KIZ: variants seen among roughly 807,000 people sequenced by gnomAD.
KIZ encodes centrosomal protein kizuna.
Under a neutral mutation model 79.6 loss-of-function variants are expected in KIZ, and 68 were observed. That is an observed-to-expected ratio of 0.85 (90% CI 0.70 to 1.05). The LOEUF is 1.05. Ranked by LOEUF, KIZ falls within the 50% of genes least tolerant of loss-of-function variation. The pLI is 0.00. For missense variants in KIZ, 797 were observed against 800.4 expected (o/e 1.00, Z 0.05); for synonymous variants, 280 against 281.8 (o/e 0.99, Z 0.06).
intron 6 of KIZ, among the ~76,000 whole-genome samples, chr20:21,204,073 T>A (rs1452644533): frequency 2.0e-5 from 3 of 151,242 alleles, no homozygotes; most frequent in Non-Finnish European, 4.4e-5. Context: ...CTTATTTCAC[T>A]TAGCAGCACA....
chr20:21,218,293 T>C (rs1275548171), intron 9 of KIZ: 1 of 152,182 alleles, frequency 6.6e-6, no homozygotes, highest in Non-Finnish European at 1.5e-5. Flanking sequence ...CATCTCTGTC[T>C]CGGGGTGCCT....
At chr20:21,166,164 T>G (rs2033925290) in intron 6 of KIZ, 16 of 926,792 alleles carry the variant, frequency 1.7e-5, no homozygotes, top group Non-Finnish European at 2.5e-5. Context: ...TTTTTTTTTT[T>G]GTCCATGAGG....
At chr20:21,210,614 A>G (rs554082081) in intron 7 of KIZ, among the ~76,000 whole-genome samples, 8 of 152,324 alleles carry the variant, frequency 5.3e-5, no homozygotes, top group African/African-American at 1.9e-4. Flanking sequence ...GAATTCCTAG[A>G]TATAGAATTA....
At chr20:21,162,555 G>C in intron 5 of KIZ, 48 bp downstream of exon 5, 3 of 1,448,864 alleles carry the variant, frequency 2.1e-6, no homozygotes, top group South Asian at 1.3e-5. Context: ...GGGTGGTAGT[G>C]ATCTTATGTA....
In KIZ at chr20:21,126,886, A is replaced by G. The variant is rs145670024; in HGVS notation, c.89+682A>G. Among the ~76,000 whole-genome samples the G allele has an allele frequency of 3.1e-3, 476 of 152,362 alleles. 4 individuals carry two copies. The highest frequency in any genetic ancestry group is 0.011 in the African/African-American group (456 of 41,596). ...CGCAATGTACTATGAATAACCACGT[A>G]AAAGATAAATTGCTGGACCTCTTAT... On this transcript the variant is annotated intron_variant, in intron 1 of 12. Transcript: ENST00000619189.
intron 3 of KIZ, among the ~76,000 whole-genome samples, chr20:21,144,792 G>C (rs2032759948): frequency 6.6e-6 from 1 of 152,094 alleles, no homozygotes; most frequent in South Asian, 2.1e-4. Flanking sequence ...TCTAATTACA[G>C]TGCATACCTG....
Position 21,223,435 on chromosome 20 carries a change from C to T in KIZ, c.1679-5576C>T, listed in dbSNP as rs143099238. 6.1e-3 allele frequency among the ~76,000 whole-genome samples: 932 copies of T among 152,234 alleles called. 14 individuals are homozygous for T. Among genetic ancestry groups the T allele is most frequent in the African/African-American group, 0.022 (911 of 41,540 alleles). ...GGCGGGTCTCTTCTCGTGCATCAGC[C>T]GTCTTCCTGAGAGTGCAGAGAGCAA... On this transcript the variant is annotated intron_variant, in intron 9 of 12. Transcript: ENST00000619189.
intron 4 of KIZ, among the ~76,000 whole-genome samples, chr20:21,159,370 G>GA (rs779353838): frequency 6.6e-6 from 1 of 151,726 alleles, no homozygotes. Context: ...CTTTTTTTGT[G>GA]ATAGCTTTAT....
chr20:21,130,911 C>A (rs1359984187), intron 1 of KIZ, among the ~76,000 whole-genome samples: 2 of 152,224 alleles, frequency 1.3e-5, no homozygotes, highest in Non-Finnish European at 2.9e-5. Context: ...ATGGGGCCAG[C>A]CCCTTTCCCT....
chr20:21,199,128 T>C (rs1386130694), intron 6 of KIZ, among the ~76,000 whole-genome samples: 1 of 152,256 alleles, frequency 6.6e-6, no homozygotes. Context: ...TGTGACTCTC[T>C]TAATCTAGGC....
chr20:21,225,429 C>T (rs2036626898), intron 9 of KIZ, among the ~76,000 whole-genome samples: 1 of 152,168 alleles, frequency 6.6e-6, no homozygotes, highest in African/African-American at 2.4e-5. Flanking sequence ...AAGTGTTTCC[C>T]TGGATTTCTA....
At chr20:21,148,463 G>A (rs1345650293) in intron 4 of KIZ, among the ~76,000 whole-genome samples, 2 of 152,076 alleles carry the variant, frequency 1.3e-5, no homozygotes, top group Non-Finnish European at 2.9e-5. Flanking sequence ...TGCCATGCTT[G>A]TTTCCACTAT....
intron 4 of KIZ, among the ~76,000 whole-genome samples, chr20:21,150,410 C>G (rs1435714811): frequency 6.6e-6 from 1 of 152,216 alleles, no homozygotes; most frequent in Non-Finnish European, 1.5e-5. Flanking sequence ...CCTTGAATCA[C>G]TGCTCAACTA....
chr20:21,205,939 G>A (rs2035810706), intron 7 of KIZ, among the ~76,000 whole-genome samples: 1 of 149,906 alleles, frequency 6.7e-6, no homozygotes, highest in Non-Finnish European at 1.5e-5. Flanking sequence ...CCAGCCTGGT[G>A]ACACCATCTC....
chr20:21,145,171 TG>T (rs3834757), intron 3 of KIZ, among the ~76,000 whole-genome samples: 108,741 of 149,512 alleles, frequency 0.73, 39,522 homozygotes, highest in South Asian at 0.82. Flanking sequence ...TGATTTTTTT[TG>T]TTTGTTTGGG....
Position 21,205,494 on chromosome 20 carries a change from T to A in KIZ, c.1356T>A (p.Pro452=). Residue 452 remains proline (P), a synonymous_variant, in exon 7 of 13, where the codon CCT becomes CCA. Transcript: ENST00000619189. ...ESSTNAPTRE[P]GQTPDSDVPR... is the part of the protein sequence containing the mutation. ...GTGTCCTGTTTCTGTTTTATAGACCTGGACAAACACCAGACTCAGACGTAC... is the reference window on the plus strand; with the variant it reads ...GTGTCCTGTTTCTGTTTTATAGACCAGGACAAACACCAGACTCAGACGTAC... The A allele has an allele frequency of 6.9e-7, 1 of 1,449,644 alleles. No homozygotes were observed. Among genetic ancestry groups the A allele is most frequent in the Non-Finnish European group, 9.5e-7 (1 of 1,047,460 alleles). The allele number at this position is 1,449,644 out of a possible 1,614,324, so 89.8% of individuals were successfully genotyped here.
chr20:21,147,083 T>A (rs991500012), intron 4 of KIZ, among the ~76,000 whole-genome samples: 1 of 152,208 alleles, frequency 6.6e-6, no homozygotes, highest in Non-Finnish European at 1.5e-5. Flanking sequence ...CCATTCTTGA[T>A]AGACATATTC....
chr20:21,230,199 G>A (rs1229341739), intron 10 of KIZ, among the ~76,000 whole-genome samples: 1 of 152,286 alleles, frequency 6.6e-6, no homozygotes, highest in South Asian at 2.1e-4. Context: ...CTTCAACCAG[G>A]CACAGTGGCT....
At chr20:21,221,613 G>A (rs182376125) in intron 9 of KIZ, among the ~76,000 whole-genome samples, 3 of 152,234 alleles carry the variant, frequency 2.0e-5, no homozygotes, top group East Asian at 3.9e-4. Context: ...GCCATTCCTC[G>A]TGGATATTCT....
Sources: allele counts gnomAD v4.1 joint callset (sites outside exome capture counted in the v4.1 genomes callset), GRCh38; gene constraint gnomAD v4.1.1; transcripts MANE v1.5; gene names NCBI Gene and HGNC (gene_info 2026-07-23, HGNC 2026-07-21).